Variants in AKAP13 observed in about 807,000 individuals in gnomAD.
The protein encoded by AKAP13 is A-kinase anchoring protein 13.
Under a neutral mutation model 264.5 loss-of-function variants are expected in AKAP13, and 80 were observed. The ratio of observed to expected loss-of-function variants is 0.30; its 90% CI spans 0.25 to 0.36. The LOEUF (loss-of-function observed/expected upper bound fraction) is 0.36. Ranked by LOEUF, AKAP13 falls within the 10% of genes least tolerant of loss-of-function variation. The probability of loss-of-function intolerance (pLI) is 1.00; values close to 1 mark genes in which losing one functional copy is unlikely to be tolerated. For missense variants in AKAP13, 3,712 were observed against 3,435.2 expected (o/e 1.08, Z -2.01); for synonymous variants, 1,380 against 1,250.2 (o/e 1.10, Z -2.19).
At chr15:85,638,847 C>T (rs901896940) in intron 8 of AKAP13, among the ~76,000 whole-genome samples, 1 of 152,000 alleles carries the variant, frequency 6.6e-6, no homozygotes, top group Admixed American at 6.6e-5. Flanking sequence ...ACATCTGCCT[C>T]CCGGGTTTAA....
chr15:85,520,624 GGTGGATAAAGAAGAGTAGGAA>G, intron 2 of AKAP13: 1 of 518,636 alleles, frequency 1.9e-6, no homozygotes, highest in Non-Finnish European at 3.9e-6. Flanking sequence ...TTAATGTAGG[GGTGGATAAAGAAGAGTAGGAA>G]TGTCAGATGG....
intron 21 of AKAP13, among the ~76,000 whole-genome samples, 175 bp downstream of exon 21, chr15:85,717,577 A>G (rs1366700950): frequency 6.6e-6 from 1 of 152,218 alleles, no homozygotes; most frequent in Non-Finnish European, 1.5e-5. Flanking sequence ...AATCAGACTC[A>G]TCCAGCAGCT....
intron 4 of AKAP13, among the ~76,000 whole-genome samples, chr15:85,539,822 T>C (rs2077525035): frequency 6.6e-6 from 1 of 152,114 alleles, no homozygotes; most frequent in Admixed American, 6.6e-5. Flanking sequence ...CAACATGGGG[T>C]CTATGGAATA....
chr15:85,632,320 T>C (rs1192659918), intron 8 of AKAP13, among the ~76,000 whole-genome samples: 1 of 152,218 alleles, frequency 6.6e-6, no homozygotes, highest in Non-Finnish European at 1.5e-5. Context: ...CTGAGAAATC[T>C]AAACCTGAAG....
chr15:85,544,548 G>A (rs2077671507), intron 5 of AKAP13, among the ~76,000 whole-genome samples: 1 of 152,142 alleles, frequency 6.6e-6, no homozygotes, highest in South Asian at 2.1e-4. Flanking sequence ...CTGTTTTTGG[G>A]CTCAATTATT....
rs749221954 is a variant in AKAP13 at position 85,543,862 on chromosome 15, GC to G, written c.570del (p.Gly191GlufsTer14). On this transcript the variant is annotated frameshift_variant, in exon 5 of 37. Coordinates refer to ENST00000394518, the MANE Select transcript of AKAP13 (RefSeq NM_007200.5). LOFTEE classifies it high-confidence loss of function. ...TWFLLQKPGG[R>X]GALSIHNQEG... ...TTCCTGTTGCAGAAGCCAGGTGGCCGCGGAGCTCTCAGTATCCACAACCAGG... is the reference window on the plus strand; with the variant it reads ...TTCCTGTTGCAGAAGCCAGGTGGCCGGGAGCTCTCAGTATCCACAACCAGG... 1 of 1,614,116 alleles carries G rather than the reference GC, an allele frequency of 6.2e-7. No homozygotes were observed. The highest frequency in any genetic ancestry group is 8.5e-7 in the Non-Finnish European group (1 of 1,179,992).
rs569487974 is a variant in AKAP13 at position 85,424,358 on chromosome 15, T to C, written c.-12+43560T>C. 1.9e-4 allele frequency among the ~76,000 whole-genome samples: 29 copies of C among 152,364 alleles called. 1 individual carries two copies. The highest frequency in any genetic ancestry group is 1.7e-3 in the South Asian group (8 of 4,826). ...TGTGTCAGCACTTGCTTGTTTGTAG[T>C]GCACTTTTATGTTATGGAGATAGCT... On this transcript the variant is annotated intron_variant, in intron 1 of 36. Transcript: ENST00000394518.
intron 1 of AKAP13, among the ~76,000 whole-genome samples, chr15:85,405,218 G>T (rs56078847): frequency 6.6e-6 from 1 of 152,150 alleles, no homozygotes; most frequent in East Asian, 1.9e-4. Flanking sequence ...CTTTGAATCT[G>T]TGTTCTGAAC....
intron 1 of AKAP13, among the ~76,000 whole-genome samples, chr15:85,478,966 A>G (rs936691454): frequency 2.0e-5 from 3 of 152,108 alleles, no homozygotes; most frequent in African/African-American, 7.2e-5. Flanking sequence ...CCTTAAACTG[A>G]TGTTCATGTG....
Position 85,741,054 on chromosome 15 carries a change from G to A in AKAP13, c.7617G>A (p.Val2539=). 6.2e-7 allele frequency: 1 copy of A among 1,607,756 alleles called. No individual in the cohort carries two copies. Among genetic ancestry groups the A allele is most frequent in the Non-Finnish European group, 8.5e-7 (1 of 1,176,462 alleles). Residue 2539 remains valine (V), a synonymous_variant, in exon 35 of 37, where the codon GTG becomes GTA. Coordinates refer to ENST00000394518, the MANE Select transcript of AKAP13 (RefSeq NM_007200.5). ...YELLSALQGV[V]LQQDSYIEDQ... ...CTCTGTGTGCCTCCCAGGGTGTGGTGCTGCAGCAGGACAGCTACATTGAGG... is the reference window on the plus strand; with the variant it reads ...CTCTGTGTGCCTCCCAGGGTGTGGTACTGCAGCAGGACAGCTACATTGAGG...
intron 1 of AKAP13, chr15:85,415,327 A>G: frequency 6.3e-7 from 1 of 1,578,466 alleles, no homozygotes; most frequent in East Asian, 2.2e-5. Context: ...GCTTTGCGAA[A>G]AATGGACACA....
chr15:85,682,074 G>A (rs540497479), intron 14 of AKAP13, 84 bp from the exon 15 acceptor site: 14 of 1,296,790 alleles, frequency 1.1e-5, no homozygotes, highest in South Asian at 9.6e-5. Context: ...TGCTTTAGCT[G>A]TGTCATTGTG....
rs542583270 is a variant in AKAP13 at position 85,464,990 on chromosome 15, G to C, written c.-11-20720G>C. Among the ~76,000 whole-genome samples the C allele has an allele frequency of 4.3e-4, 66 of 152,206 alleles. 1 individual carries two copies. The highest frequency in any genetic ancestry group is 4.1e-4 in the South Asian group (2 of 4,826). Reference sequence around the variant, plus strand: ...GAGCCTTGCTCTGTCGCCCAGGCTGGAGTGCAGTGGCACGATCTCGGCTCA... The same window carrying C: ...GAGCCTTGCTCTGTCGCCCAGGCTGCAGTGCAGTGGCACGATCTCGGCTCA... On this transcript the variant is annotated intron_variant, in intron 1 of 36. Transcript: ENST00000394518.
intron 2 of AKAP13, among the ~76,000 whole-genome samples, chr15:85,491,223 C>T (rs2075712133): frequency 2.0e-5 from 3 of 151,932 alleles, no homozygotes; most frequent in African/African-American, 4.8e-5. Flanking sequence ...CATCTGAACC[C>T]TACTACAGCT....
At chr15:85,665,432 T>C (rs1245754020) in intron 13 of AKAP13, among the ~76,000 whole-genome samples, 1 of 152,202 alleles carries the variant, frequency 6.6e-6, no homozygotes, top group African/African-American at 2.4e-5. Context: ...TTCTCCTTTG[T>C]AGGAAAAAAA....
intron 2 of AKAP13, among the ~76,000 whole-genome samples, chr15:85,519,463 T>C (rs761480067): frequency 2.6e-5 from 4 of 152,176 alleles, no homozygotes; most frequent in Admixed American, 6.5e-5. Context: ...TTTGTACTTT[T>C]TTCAGGCTGT....
chr15:85,631,436 T>C (rs2081798389), intron 8 of AKAP13, among the ~76,000 whole-genome samples: 1 of 151,578 alleles, frequency 6.6e-6, no homozygotes, highest in Non-Finnish European at 1.5e-5. Context: ...AGTATGTGAA[T>C]TACATCTCAA....
rs770114218 is a variant in AKAP13 at position 85,710,581 on chromosome 15, G to A, written c.5535G>A (p.Gln1845=). 15 of 1,613,730 alleles carry A rather than the reference G, an allele frequency of 9.3e-6. No homozygotes were observed. Among genetic ancestry groups the A allele is most frequent in the Non-Finnish European group, 1.2e-5 (14 of 1,179,890 alleles). ...GGACTTACTTTCTTTCTCTTTAGCA[G>A]CCCAAAGGGAGCCTTCAGGCACATG... ...LASCAKVKMK[Q]PKGSLQAHDT... Residue 1845 remains glutamine, a splice_region_variant and synonymous_variant, in exon 19 of 37, where the codon CAG becomes CAA. Transcript: ENST00000394518.
In AKAP13 at chr15:85,734,992, T is replaced by C. The variant is rs780717590; in HGVS notation, c.7283T>C (p.Val2428Ala). 1.9e-6 allele frequency: 3 copies of C among 1,613,050 alleles called. No homozygotes were observed. Among genetic ancestry groups the C allele is most frequent in the African/African-American group, 2.7e-5 (2 of 74,868 alleles). ...GCTTTGCATGTTTCCTTTATTCCAG[T>C]GGAGATCCTTCAGGGTTTGGTGAGT... ...GPLMKSAINE[V>A]EILQGLVSGN... The change falls in exon 31 of 37, where the codon GTG becomes GCG. Residue 2428 changes from valine (V) to alanine (A), a missense_variant and splice_region_variant. Val to Ala is a moderately conservative substitution (Grantham distance 64). Transcript: ENST00000394518.
Sources: allele counts gnomAD v4.1 joint callset (sites outside exome capture counted in the v4.1 genomes callset), GRCh38; gene constraint gnomAD v4.1.1; transcripts MANE v1.5; gene names NCBI Gene and HGNC (gene_info 2026-07-23, HGNC 2026-07-21).